Variants in CDH10 observed in about 807,000 individuals in gnomAD.
CDH10 encodes cadherin 10.
A neutral mutation model predicts 73.1 loss-of-function variants in CDH10; 30 were observed. That is an observed-to-expected ratio of 0.41 (90% CI 0.31 to 0.56). CDH10 has a LOEUF of 0.56. Among genes scored for constraint, CDH10 ranks in the 20% least tolerant of loss-of-function variants. The probability of loss-of-function intolerance (pLI) is 0.27; values close to 1 mark genes in which losing one functional copy is unlikely to be tolerated. For missense variants in CDH10, 815 were observed against 973.7 expected, an observed-to-expected ratio of 0.84 and a Z score of 2.17; for synonymous variants, 345 against 348.2, an observed-to-expected ratio of 0.99 and a Z score of 0.10.
intron 7 of CDH10, among the ~76,000 whole-genome samples, chr5:24,507,984 C>A (rs529953246): frequency 2.6e-5 from 4 of 152,096 alleles, no homozygotes; most frequent in Admixed American, 6.5e-5. Context: ...TTGAAGATAT[C>A]GCAGACCCTA....
intron 7 of CDH10, among the ~76,000 whole-genome samples, chr5:24,508,842 C>T (rs1260517348): frequency 2.0e-5 from 3 of 152,196 alleles, no homozygotes; most frequent in Non-Finnish European, 4.4e-5. Flanking sequence ...TAAAACTTCT[C>T]TCATTCAACC....
chr5:24,522,028 G>T (rs533083817), intron 5 of CDH10, among the ~76,000 whole-genome samples: 1 of 152,170 alleles, frequency 6.6e-6, no homozygotes, highest in Admixed American at 6.5e-5. Context: ...CAGCTACTCA[G>T]GAAGCTGAGA....
Position 24,487,645 on chromosome 5 carries a change from C to A in CDH10, c.*18G>T. ...GTAGAGTTACTTTCTCTTGTTTGAACAGAACATATATCCTACGTTAAGAGT... is the reference window on the plus strand; with the variant it reads ...GTAGAGTTACTTTCTCTTGTTTGAAAAGAACATATATCCTACGTTAAGAGT... On this transcript the variant is annotated 3_prime_UTR_variant, in exon 12 of 12. Coordinates refer to ENST00000264463, the MANE Select transcript of CDH10 (RefSeq NM_006727.5). 1 of 1,588,784 alleles carries A rather than the reference C, an allele frequency of 6.3e-7. No individual in the cohort carries two copies.
intron 2 of CDH10, among the ~76,000 whole-genome samples, chr5:24,546,633 C>T (rs1744352898): frequency 6.6e-6 from 1 of 151,960 alleles, no homozygotes; most frequent in South Asian, 2.1e-4. Context: ...TATAACTGAG[C>T]ATGTACATGG....
intron 5 of CDH10, among the ~76,000 whole-genome samples, chr5:24,515,447 T>C (rs10055523): frequency 0.48 from 72,171 of 151,436 alleles, 17,240 homozygotes; most frequent in East Asian, 0.58. Flanking sequence ...CCAGTGGACG[T>C]ATAGTGTGGT....
intron 2 of CDH10, among the ~76,000 whole-genome samples, chr5:24,570,073 G>T (rs1579822631): frequency 6.6e-6 from 1 of 151,960 alleles, no homozygotes; most frequent in South Asian, 2.1e-4. Context: ...GCCAACAAGT[G>T]TGTGTTTTCT....
At chr5:24,519,179 C>T (rs1045007125) in intron 5 of CDH10, among the ~76,000 whole-genome samples, 1 of 152,120 alleles carries the variant, frequency 6.6e-6, no homozygotes, top group African/African-American at 2.4e-5. Flanking sequence ...GCATGAGCTA[C>T]TGTGCCCAGC....
intron 1 of CDH10, among the ~76,000 whole-genome samples, chr5:24,620,579 T>TA (rs1747279481): frequency 6.6e-6 from 1 of 152,238 alleles, no homozygotes; most frequent in Non-Finnish European, 1.5e-5. Context: ...TCATACAAGT[T>TA]AAACTATTTT....
At chr5:24,577,087 AACC>A (rs1745636295) in intron 2 of CDH10, among the ~76,000 whole-genome samples, 5 of 150,178 alleles carry the variant, frequency 3.3e-5, no homozygotes, top group Admixed American at 3.3e-4. Context: ...AAAAAAAAAA[AACC>A]AAAAACTGTG....
At chr5:24,507,170 A>T (rs1206958696) in intron 7 of CDH10, among the ~76,000 whole-genome samples, 1 of 152,090 alleles carries the variant, frequency 6.6e-6, no homozygotes. Flanking sequence ...CCATAACAAC[A>T]TATTGCATTA....
At chr5:24,520,731 T>C (rs954027129) in intron 5 of CDH10, among the ~76,000 whole-genome samples, 1 of 151,560 alleles carries the variant, frequency 6.6e-6, no homozygotes, top group Non-Finnish European at 1.5e-5. Context: ...CACTTTTTTT[T>C]TGTTGTTTTT....
intron 1 of CDH10, among the ~76,000 whole-genome samples, chr5:24,604,438 C>G (rs538811412): frequency 6.6e-6 from 1 of 152,260 alleles, no homozygotes; most frequent in Non-Finnish European, 1.5e-5. Flanking sequence ...TACGCTGAAA[C>G]TTTTGTCTTT....
intron 2 of CDH10, among the ~76,000 whole-genome samples, chr5:24,587,444 C>T (rs1240083951): frequency 6.6e-6 from 1 of 152,120 alleles, no homozygotes; most frequent in Non-Finnish European, 1.5e-5. Flanking sequence ...TGAGAGAGCT[C>T]TGGTAGATAT....
chr5:24,524,819 T>C (rs932338339), intron 5 of CDH10, among the ~76,000 whole-genome samples: 1 of 152,066 alleles, frequency 6.6e-6, no homozygotes, highest in Non-Finnish European at 1.5e-5. Context: ...TGGGGCTACA[T>C]AAATAAGTGC....
intron 2 of CDH10, among the ~76,000 whole-genome samples, chr5:24,561,496 C>T (rs1744958925): frequency 6.6e-6 from 1 of 152,082 alleles, no homozygotes; most frequent in Non-Finnish European, 1.5e-5. Flanking sequence ...TGGCAATTAG[C>T]TCAAAGTGAG....
chr5:24,608,833 T>C (rs1436054969), intron 1 of CDH10, among the ~76,000 whole-genome samples: 1 of 152,212 alleles, frequency 6.6e-6, no homozygotes, highest in East Asian at 1.9e-4. Flanking sequence ...GTGAAATAGA[T>C]ATCTTAGCAA....
intron 1 of CDH10, among the ~76,000 whole-genome samples, chr5:24,643,470 A>G (rs1748122654): frequency 6.6e-6 from 1 of 152,086 alleles, no homozygotes; most frequent in African/African-American, 2.4e-5. Context: ...TAACATATGC[A>G]TTGAAGTATA....
intron 1 of CDH10, among the ~76,000 whole-genome samples, chr5:24,600,593 T>TGTGC (rs751810520): frequency 6.6e-6 from 1 of 151,882 alleles, no homozygotes; most frequent in Non-Finnish European, 1.5e-5. Flanking sequence ...AGAGCGTCGG[T>TGTGC]GTGCGTGCGT....
intron 8 of CDH10, among the ~76,000 whole-genome samples, chr5:24,499,149 G>A (rs1405901316): frequency 6.6e-6 from 1 of 152,082 alleles, no homozygotes; most frequent in African/African-American, 2.4e-5. Context: ...TCAAATTTCT[G>A]TTTGAAAATT....
Sources: allele counts gnomAD v4.1 joint callset (sites outside exome capture counted in the v4.1 genomes callset), GRCh38; gene constraint gnomAD v4.1.1; transcripts MANE v1.5; gene names NCBI Gene and HGNC (gene_info 2026-07-23, HGNC 2026-07-21).